Variants in WDPCP observed in about 807,000 individuals in gnomAD.
WDPCP encodes the protein WD repeat containing planar cell polarity effector, also known as WD repeat-containing and planar cell polarity effector protein fritz homolog.
A neutral mutation model predicts 93.1 loss-of-function variants in WDPCP; 71 were observed. That is an observed-to-expected ratio of 0.76 (90% confidence interval 0.63 to 0.93). The LOEUF is 0.93. Among genes scored for constraint, WDPCP ranks in the 40% least tolerant of loss-of-function variants. The pLI is 0.00. For synonymous variants in WDPCP, 315 were observed against 315.0 expected (o/e 1.00, Z 0.00); for missense variants, 844 against 887.4 (o/e 0.95, Z 0.62).
At chr2:63,661,982 C>A (rs2106634950) in intron 2 of WDPCP, among the ~76,000 whole-genome samples, 1 of 152,042 alleles carries the variant, frequency 6.6e-6, no homozygotes, top group East Asian at 1.9e-4. Context: ...AGAGAAATTG[C>A]CTTTAGGGAG....
chr2:63,259,453 T>C, intron 13 of WDPCP, 44 bp from the exon 14 acceptor site: 1 of 1,481,600 alleles, frequency 6.7e-7, no homozygotes, highest in South Asian at 1.1e-5. Context: ...AAAATGAACC[T>C]TGCCCAAGTT....
At chr2:63,705,485 C>T (rs1442680237) in intron 2 of WDPCP, among the ~76,000 whole-genome samples, 1 of 152,084 alleles carries the variant, frequency 6.6e-6, no homozygotes, top group Non-Finnish European at 1.5e-5. Context: ...CCCAGAGATT[C>T]TGGTATGTTG....
At chr2:63,316,802 T>C (rs1016893420) in intron 12 of WDPCP, among the ~76,000 whole-genome samples, 19 of 152,294 alleles carry the variant, frequency 1.2e-4, no homozygotes, top group Admixed American at 6.5e-4. Context: ...CAAAATCCCA[T>C]AGTCTCTGCC....
chr2:63,663,259 G>C (rs1302645472), intron 2 of WDPCP, among the ~76,000 whole-genome samples: 3 of 152,186 alleles, frequency 2.0e-5, no homozygotes, highest in Non-Finnish European at 4.4e-5. Flanking sequence ...CTACAATGCA[G>C]GACGACTATT....
At chr2:63,413,318 C>T (rs188167883) in intron 9 of WDPCP, among the ~76,000 whole-genome samples, 6 of 152,282 alleles carry the variant, frequency 3.9e-5, no homozygotes, top group Admixed American at 1.3e-4. Context: ...TGGCTAGCCA[C>T]ATGTAGAAGA....
At chr2:63,514,080 G>A (rs1702406625) in intron 1 of WDPCP, among the ~76,000 whole-genome samples, 1 of 152,062 alleles carries the variant, frequency 6.6e-6, no homozygotes, top group Admixed American at 6.5e-5. Flanking sequence ...TTTTAAAAAT[G>A]ATGAAATAAG....
intron 2 of WDPCP, among the ~76,000 whole-genome samples, chr2:63,782,739 CAT>C (rs1491128657): frequency 4.4e-4 from 46 of 103,560 alleles, no homozygotes; most frequent in African/African-American, 1.4e-3. Flanking sequence ...CCACAGGCAA[CAT>C]GTGTGTGTGT....
chr2:63,711,236 A>C (rs1295511055), intron 2 of WDPCP, among the ~76,000 whole-genome samples: 1 of 152,144 alleles, frequency 6.6e-6, no homozygotes, highest in East Asian at 1.9e-4. Context: ...GAAGGTGAAA[A>C]CAATGAGTTG....
At chr2:63,551,345 G>A (rs531358944) in intron 1 of WDPCP, among the ~76,000 whole-genome samples, 4 of 152,284 alleles carry the variant, frequency 2.6e-5, no homozygotes, top group East Asian at 3.9e-4. Flanking sequence ...CTGGCGGGAG[G>A]TGTTTGGGTC....
chr2:63,326,361 G>A (rs370712695), intron 12 of WDPCP, among the ~76,000 whole-genome samples: 4 of 152,290 alleles, frequency 2.6e-5, no homozygotes, highest in African/African-American at 9.6e-5. Context: ...TTCGTTTGTG[G>A]AGAGTGGGAT....
intron 3 of WDPCP, among the ~76,000 whole-genome samples, chr2:63,624,084 A>G (rs1709779996): frequency 6.6e-6 from 1 of 152,252 alleles, no homozygotes; most frequent in Non-Finnish European, 1.5e-5. Context: ...CTGAATGACT[A>G]CTGGGTAAAT....
At chr2:63,765,468 A>G (rs1670124310) in intron 2 of WDPCP, among the ~76,000 whole-genome samples, 1 of 152,224 alleles carries the variant, frequency 6.6e-6, no homozygotes, top group African/African-American at 2.4e-5. Flanking sequence ...AGCCACAGGC[A>G]GGGCAGAGAG....
intron 2 of WDPCP, among the ~76,000 whole-genome samples, chr2:63,691,348 T>C (rs1217810295): frequency 6.6e-6 from 1 of 152,096 alleles, no homozygotes; most frequent in Non-Finnish European, 1.5e-5. Flanking sequence ...AGAAAAGAAG[T>C]AGTAGGCTGG....
chr2:63,379,319 A>C (rs752229413), intron 11 of WDPCP, among the ~76,000 whole-genome samples: 3 of 152,174 alleles, frequency 2.0e-5, no homozygotes, highest in Non-Finnish European at 4.4e-5. Context: ...ACTAGCACTG[A>C]GTTGAATAAA....
chr2:63,381,931 T>C lies in WDPCP; in HGVS notation c.1599A>G (p.Arg533=), dbSNP rs1692343432. 6.2e-7 allele frequency: 1 copy of C among 1,613,440 alleles called. No homozygotes were observed. The highest frequency in any genetic ancestry group is 8.5e-7 in the Non-Finnish European group (1 of 1,179,672). Residue 533 remains arginine (R), a synonymous_variant, in exon 11 of 18, where the codon AGA becomes AGG. Coordinates refer to ENST00000272321, the MANE Select transcript of WDPCP (RefSeq NM_015910.7). Reference sequence around the variant, plus strand: ...CTTCTCTCTCTGGAGTGAGCTTCTGTCTAAGAAGATGGTTTACAATGGCGC... The same window carrying C: ...CTTCTCTCTCTGGAGTGAGCTTCTGCCTAAGAAGATGGTTTACAATGGCGC... ...SMSAIVNHLL[R]QKLTPEREAQ...
intron 3 of WDPCP, among the ~76,000 whole-genome samples, chr2:63,625,196 T>G (rs953443032): frequency 6.6e-5 from 10 of 152,170 alleles, no homozygotes; most frequent in Non-Finnish European, 1.3e-4. Flanking sequence ...ATAAGAGCTA[T>G]TTATGACAAA....
At chr2:63,544,740 C>A (rs755054279) in intron 1 of WDPCP, among the ~76,000 whole-genome samples, 4 of 152,072 alleles carry the variant, frequency 2.6e-5, no homozygotes, top group Non-Finnish European at 5.9e-5. Flanking sequence ...GAAAGGTATG[C>A]TACTATTAGT....
chr2:63,643,329 A>T (rs553265106), intron 3 of WDPCP: 45 of 391,326 alleles, frequency 1.1e-4, no homozygotes, highest in African/African-American at 8.7e-4. Flanking sequence ...TGAGGCAGAT[A>T]CCCTTTCCTC....
intron 12 of WDPCP, among the ~76,000 whole-genome samples, chr2:63,336,974 A>C (rs1261913476): frequency 2.1e-5 from 3 of 145,646 alleles, no homozygotes; most frequent in African/African-American, 7.7e-5. Context: ...GATCACTGCA[A>C]CCTCCGCCTC....
Sources: gnomAD v4.1 joint callset for allele counts (sites outside exome capture counted in the v4.1 genomes callset) on GRCh38, gnomAD v4.1.1 for gene constraint, MANE v1.5 for transcripts, NCBI Gene and HGNC (gene_info 2026-07-23, HGNC 2026-07-21) for gene names.